ERICH2: variants seen among roughly 807,000 people sequenced by gnomAD.
ERICH2 encodes the protein glutamate-rich protein 2.
A neutral mutation model predicts 17.4 loss-of-function variants in ERICH2; 17 were observed. The observed-to-expected ratio is 0.98, with a 90% CI of 0.67 to 1.47. The LOEUF is 1.47. Ranked by LOEUF, ERICH2 falls within the 40% of genes most tolerant of loss-of-function variation. The pLI is 0.00. For synonymous variants in ERICH2, 51 were observed against 61.1 expected (o/e 0.83, Z 0.77); for missense variants, 186 against 183.2 (o/e 1.01, Z -0.09).
chr2:170,798,936 G>A (rs1701497524), exon 5 of ERICH2: 1 of 1,541,932 alleles, frequency 6.5e-7, no homozygotes, highest in African/African-American at 1.4e-5. Flanking sequence ...TTTCATTAAT[G>A]TATACCATGC....
intron 2 of ERICH2, among the ~76,000 whole-genome samples, chr2:170,791,629 G>T (rs955733553): frequency 7.2e-5 from 11 of 151,758 alleles, no homozygotes; most frequent in African/African-American, 2.7e-4. Flanking sequence ...GGCAGAGCTT[G>T]CAGTGAGCCG....
chr2:170,772,710 TAATGTTTCCC>T, the ERICH2 span, among the ~76,000 whole-genome samples: 1 of 152,230 alleles, frequency 6.6e-6, no homozygotes, highest in Non-Finnish European at 1.5e-5. Flanking sequence ...CTGCATCATG[TAATGTTTCCC>T]CCACCAAGCT....
upstream of ERICH2, among the ~76,000 whole-genome samples, chr2:170,780,694 CTTATAT>C (rs1159858922): frequency 6.6e-6 from 1 of 152,084 alleles, no homozygotes; most frequent in Non-Finnish European, 1.5e-5. Flanking sequence ...TCATCTTACA[CTTATAT>C]TTGGCAATAT....
chr2:170,777,855 TA>T, the ERICH2 span: 1 of 403,686 alleles, frequency 2.5e-6, no homozygotes, highest in Non-Finnish European at 4.3e-6. Context: ...GAAGGACAGT[TA>T]AAATGAAAAA....
chr2:170,775,945 C>T, the ERICH2 span, among the ~76,000 whole-genome samples: 7 of 151,864 alleles, frequency 4.6e-5, no homozygotes, highest in Non-Finnish European at 5.9e-5. Context: ...TCCAGAAATC[C>T]CTCAGTAGGT....
chr2:170,776,355 G>C, the ERICH2 span, among the ~76,000 whole-genome samples: 1 of 152,162 alleles, frequency 6.6e-6, no homozygotes, highest in African/African-American at 2.4e-5. Context: ...CTGGTCACAT[G>C]TACTCTAAAA....
At chr2:170,782,767 T>A (rs58919807), upstream of ERICH2, among the ~76,000 whole-genome samples, 37,522 of 152,030 alleles carry the variant, frequency 0.25, 5,076 homozygotes, top group South Asian at 0.33. Context: ...CTAGTAGAAG[T>A]CAGACAGCTG....
chr2:170,793,849 G>A (rs554351727), intron 3 of ERICH2, among the ~76,000 whole-genome samples: 1 of 152,244 alleles, frequency 6.6e-6, no homozygotes, highest in East Asian at 1.9e-4. Context: ...CAGTTGTACT[G>A]TTCAGGGCAT....
At chr2:170,777,986 T>G in the ERICH2 span, 1 of 290,192 alleles carries the variant, frequency 3.4e-6, no homozygotes, top group Non-Finnish European at 6.3e-6. Flanking sequence ...CCTATTTCCC[T>G]TTGATACTTA....
At chr2:170,796,800 G>A (rs1701436616) in intron 3 of ERICH2, among the ~76,000 whole-genome samples, 1 of 152,138 alleles carries the variant, frequency 6.6e-6, no homozygotes, top group East Asian at 1.9e-4. Context: ...GCCCCCCTTG[G>A]AGGCCACCAA....
At chr2:170,774,564 C>CTTT in the ERICH2 span, among the ~76,000 whole-genome samples, 8 of 98,566 alleles carry the variant, frequency 8.1e-5, no homozygotes, top group Admixed American at 1.1e-4. Flanking sequence ...AGAGCCCCAT[C>CTTT]TTTTTTTTTT....
At chr2:170,781,150 T>C (rs1701016045), upstream of ERICH2, among the ~76,000 whole-genome samples, 1 of 152,170 alleles carries the variant, frequency 6.6e-6, no homozygotes, top group South Asian at 2.1e-4. Flanking sequence ...GCTAAATTAG[T>C]GCATGGGACC....
At chr2:170,789,280 G>T (rs997422591) in intron 2 of ERICH2, among the ~76,000 whole-genome samples, 2 of 151,888 alleles carry the variant, frequency 1.3e-5, no homozygotes, top group African/African-American at 4.8e-5. Context: ...ATATACTTCT[G>T]ACTGAAATAC....
At chr2:170,774,728 C>T in the ERICH2 span, among the ~76,000 whole-genome samples, 8 of 151,894 alleles carry the variant, frequency 5.3e-5, no homozygotes, top group East Asian at 3.9e-4. Flanking sequence ...CACACCACCA[C>T]GCCCGACTAA....
At chr2:170,776,865 T>C in the ERICH2 span, among the ~76,000 whole-genome samples, 2 of 152,034 alleles carry the variant, frequency 1.3e-5, no homozygotes, top group Admixed American at 1.3e-4. Context: ...TATTATTTCA[T>C]CACCCAGGTA....
chr2:170,792,909 T>A lies in ERICH2; in HGVS notation c.263T>A (p.Leu88Ter). ...CGAGAGTACCAGCTGGCAAAAAAAT[T>A]ATGTCAGATGAGTAAGTACAAAATA... is the stretch of plus-strand genomic sequence containing the variant. Residue 88 changes from leucine to a stop codon, truncating the protein, a stop_gained, in exon 3 of 5, where the codon TTA becomes TAA. Coordinates refer to ENST00000409885, the Ensembl canonical transcript of ERICH2. LOFTEE classifies it high-confidence loss of function. The A allele has an allele frequency of 6.6e-7, 1 of 1,511,838 alleles. No individual in the cohort carries two copies. Among genetic ancestry groups the A allele is most frequent in the Non-Finnish European group, 8.9e-7 (1 of 1,122,252 alleles). The allele number at this position is 1,511,838 out of a possible 1,614,324, so 93.7% of individuals were successfully genotyped here. A position where few individuals can be genotyped will look rare whatever the true frequency, so the allele number is the denominator to read the frequency against.
At chr2:170,793,604 A>C (rs768368264) in intron 3 of ERICH2, among the ~76,000 whole-genome samples, 1 of 152,154 alleles carries the variant, frequency 6.6e-6, no homozygotes, top group Non-Finnish European at 1.5e-5. Context: ...AGGAATAGTG[A>C]GGAGGACAGT....
chr2:170,775,175 C>G, the ERICH2 span, among the ~76,000 whole-genome samples: 1 of 151,934 alleles, frequency 6.6e-6, no homozygotes, highest in South Asian at 2.1e-4. Flanking sequence ...GCCTGCAATC[C>G]CAGCACTTTG....
chr2:170,798,629 C>A (rs1323191588), intron 4 of ERICH2, 141 bp from the exon 10 acceptor site: 1 of 869,740 alleles, frequency 1.1e-6, no homozygotes. Context: ...CCATTTGACC[C>A]TAGTGCAGTT....
Sources: allele counts gnomAD v4.1 joint callset (sites outside exome capture counted in the v4.1 genomes callset), GRCh38; gene constraint gnomAD v4.1.1; transcripts MANE v1.5; gene names NCBI Gene and HGNC (gene_info 2026-07-23, HGNC 2026-07-21).